MMP26: variants seen among roughly 807,000 people sequenced by gnomAD.
MMP26 encodes matrix metallopeptidase 26.
Under a neutral mutation model 31.0 loss-of-function variants are expected in MMP26, and 33 were observed. The observed-to-expected ratio is 1.06, with a 90% CI of 0.81 to 1.42. The LOEUF (loss-of-function observed/expected upper bound fraction) is 1.42. MMP26 is among the 40% of genes most tolerant of loss of function. The pLI is 0.00. For synonymous variants in MMP26, 122 were observed against 114.9 expected (o/e 1.06, Z -0.40); for missense variants, 347 against 316.1 (o/e 1.10, Z -0.74).
intron 2 of MMP26, among the ~76,000 whole-genome samples, chr11:4,801,773 C>A (rs1471520753): frequency 6.6e-6 from 1 of 151,972 alleles, no homozygotes; most frequent in Non-Finnish European, 1.5e-5. Context: ...ATCTCTTGAC[C>A]TCGTGATCCG....
At chr11:4,756,786 C>T (rs1848509363) in intron 1 of MMP26, 1 of 150,562 alleles carries the variant, frequency 6.6e-6, no homozygotes, top group Non-Finnish European at 1.5e-5. Context: ...GACAATAATC[C>T]TCGCTGCAAG....
chr11:4,713,123 T>C (rs1847882787), intron 1 of MMP26, among the ~76,000 whole-genome samples: 1 of 151,976 alleles, frequency 6.6e-6, no homozygotes, highest in Admixed American at 6.6e-5. Flanking sequence ...CAGGTTGATA[T>C]TGAAACCAAG....
intron 1 of MMP26, among the ~76,000 whole-genome samples, chr11:4,715,216 A>C (rs549631000): frequency 6.6e-6 from 1 of 152,278 alleles, no homozygotes; most frequent in African/African-American, 2.4e-5. Context: ...ACTACCTTCC[A>C]GTAACTTAAT....
At chr11:4,738,339 A>G (rs1346330877) in intron 1 of MMP26, among the ~76,000 whole-genome samples, 1 of 152,234 alleles carries the variant, frequency 6.6e-6, no homozygotes, top group Non-Finnish European at 1.5e-5. Flanking sequence ...CTGAGGAGGC[A>G]GGAGGACATG....
At chr11:4,845,272 T>G (rs556768234) in intron 2 of MMP26, among the ~76,000 whole-genome samples, 1 of 152,156 alleles carries the variant, frequency 6.6e-6, no homozygotes, top group African/African-American at 2.4e-5. Flanking sequence ...ACCAAGAAAT[T>G]GAAAAGTATT....
At chr11:4,966,958 T>A (rs1032873003) in intron 2 of MMP26, among the ~76,000 whole-genome samples, 1 of 152,300 alleles carries the variant, frequency 6.6e-6, no homozygotes, top group East Asian at 1.9e-4. Flanking sequence ...AGTGGCAATA[T>A]GACTAAAGGT....
chr11:4,849,256 A>G lies in MMP26; in HGVS notation c.-145+81915A>G, dbSNP rs1239960000. ...TCTGGAACCTGAAAAATGATTAGAA[A>G]GGTTTACTTAATCGCGTGCCAAATT... On this transcript the variant is annotated intron_variant, in intron 2 of 7. Coordinates refer to ENST00000380390, the MANE Select transcript of MMP26 (RefSeq NM_021801.5). 1.9e-6 allele frequency: 3 copies of G among 1,546,976 alleles called. No individual in the cohort carries two copies. The Admixed American group carries it at 5.9e-5, about 30-fold the overall frequency.
intron 1 of MMP26, among the ~76,000 whole-genome samples, chr11:4,714,920 TCACACACACA>T (rs66913726): frequency 1.2e-4 from 17 of 141,780 alleles, no homozygotes; most frequent in South Asian, 2.3e-4. Flanking sequence ...TCTCTCTCTC[TCACACACACA>T]CACACACACA....
At chr11:4,943,747 A>T in intron 2 of MMP26, 1 of 366,916 alleles carries the variant, frequency 2.7e-6, no homozygotes, top group South Asian at 2.1e-5. Flanking sequence ...CAAAAACTAC[A>T]TTCTTCATTT....
chr11:4,730,227 G>A (rs1378697198), intron 1 of MMP26, among the ~76,000 whole-genome samples: 3 of 152,126 alleles, frequency 2.0e-5, no homozygotes, highest in Non-Finnish European at 1.5e-5. Context: ...AAACCTCTGA[G>A]TTCCAGATAT....
chr11:4,859,800 A>T (rs1421264548), intron 2 of MMP26: 1 of 471,466 alleles, frequency 2.1e-6, no homozygotes, highest in Non-Finnish European at 4.4e-6. Flanking sequence ...CCATAAAAGG[A>T]ACATAGAAGA....
intron 2 of MMP26, among the ~76,000 whole-genome samples, chr11:4,825,944 A>G (rs1430560876): frequency 6.6e-6 from 1 of 152,142 alleles, no homozygotes; most frequent in Non-Finnish European, 1.5e-5. Flanking sequence ...AATTTAATTT[A>G]GAGAATTATT....
At chr11:4,786,815 G>A (rs1214502875) in intron 2 of MMP26, 1 of 152,602 alleles carries the variant, frequency 6.6e-6, no homozygotes, top group Non-Finnish European at 1.5e-5. Flanking sequence ...GGCTTCCCTG[G>A]GCTGGAGGCC....
In MMP26 at chr11:4,778,163, G is replaced by A. The variant is rs12276759; in HGVS notation, c.-145+10822G>A. Reference sequence around the variant, plus strand: ...TTTTGTTTTATCCTTTCTTATGGGTGTTCACTGATACTTCATTGGAGTTTT... The same window carrying A: ...TTTTGTTTTATCCTTTCTTATGGGTATTCACTGATACTTCATTGGAGTTTT... On this transcript the variant is annotated intron_variant, in intron 2 of 7. Transcript: ENST00000380390. Among the ~76,000 whole-genome samples, 1,085 of 152,096 alleles carry A rather than the reference G, an allele frequency of 7.1e-3. 12 individuals are homozygous for A. Among genetic ancestry groups the A allele is most frequent in the African/African-American group, 0.025 (1,023 of 41,532 alleles).
At chr11:4,795,997 C>A (rs754424608) in intron 2 of MMP26, among the ~76,000 whole-genome samples, 14 of 152,008 alleles carry the variant, frequency 9.2e-5, no homozygotes, top group Non-Finnish European at 1.9e-4. Flanking sequence ...CTTTTTTTCC[C>A]TTTGGAGCCC....
chr11:4,890,162 T>G (rs1174673306), intron 2 of MMP26: 2 of 152,354 alleles, frequency 1.3e-5, no homozygotes, highest in Non-Finnish European at 2.9e-5. Context: ...ACTCTGGCAC[T>G]GGTGAGGATA....
At chr11:4,713,289 A>G (rs1346213202) in intron 1 of MMP26, among the ~76,000 whole-genome samples, 1 of 152,144 alleles carries the variant, frequency 6.6e-6, no homozygotes, top group Non-Finnish European at 1.5e-5. Flanking sequence ...CAAATGACTT[A>G]GGATGCATAA....
intron 1 of MMP26, chr11:4,736,581 A>G (rs906212304): frequency 1.4e-4 from 21 of 152,266 alleles, no homozygotes; most frequent in African/African-American, 5.1e-4. Context: ...ATGATGGAGC[A>G]CATGACTTTG....
At chr11:4,991,571 G>T (rs1847003488) in intron 6 of MMP26, 75 bp downstream of exon 6, 1 of 1,564,414 alleles carries the variant, frequency 6.4e-7, no homozygotes, top group African/African-American at 1.4e-5. Context: ...TTCCATTTAG[G>T]GATCCAGAGT....
Sources: gnomAD v4.1 joint callset for allele counts (sites outside exome capture counted in the v4.1 genomes callset) on GRCh38, gnomAD v4.1.1 for gene constraint, MANE v1.5 for transcripts, NCBI Gene and HGNC (gene_info 2026-07-23, HGNC 2026-07-21) for gene names.